The following DNAJC6 variants were observed in gnomAD, a reference collection of about 807,000 sequenced individuals.
The protein encoded by DNAJC6 is auxilin.
A neutral mutation model predicts 110.0 loss-of-function variants in DNAJC6; 34 were observed. The observed-to-expected ratio is 0.31, with a 90% CI of 0.24 to 0.41. The LOEUF (loss-of-function observed/expected upper bound fraction) is 0.41, where lower values mean the gene tolerates loss of function less well. Ranked by LOEUF, DNAJC6 falls within the 10% of genes least tolerant of loss-of-function variation. The pLI is 1.00. For missense variants in DNAJC6, 1,031 were observed against 1,207.8 expected (o/e 0.85, Z 2.17); for synonymous variants, 406 against 437.2 (o/e 0.93, Z 0.89).
Position 65,270,635 on chromosome 1 carries a change from A to G in DNAJC6, c.-131+5703A>G, listed in dbSNP as rs765412546. 2.6e-5 allele frequency among the ~76,000 whole-genome samples: 4 copies of G among 152,072 alleles called. No homozygotes were observed. The South Asian group carries it at 6.2e-4, about 24-fold the overall frequency. On this transcript the variant is annotated intron_variant, in intron 1 of 19. Transcript: ENST00000263441. The stretch of plus-strand genomic sequence containing the variant: ...AAAGTGATGTTACTGGTCGTTGATT[A>G]TTTTTATGCTATTGTTACTGCCACT...
At chr1:65,412,648 G>T (rs750704127) in intron 18 of DNAJC6, among the ~76,000 whole-genome samples, 12 of 152,122 alleles carry the variant, frequency 7.9e-5, no homozygotes, top group Non-Finnish European at 1.3e-4. Context: ...TGGCAGATAC[G>T]TCTGGAGAAC....
At chr1:65,404,369 A>G (rs1313382330) in intron 15 of DNAJC6, among the ~76,000 whole-genome samples, 1 of 152,206 alleles carries the variant, frequency 6.6e-6, no homozygotes. Context: ...TATACCTGTG[A>G]TATAGACATA....
chr1:65,275,999 A>C (rs1653657792), intron 1 of DNAJC6, among the ~76,000 whole-genome samples: 1 of 150,096 alleles, frequency 6.7e-6, no homozygotes, highest in Admixed American at 6.7e-5. Context: ...AGCGATCTTC[A>C]GCCTCCTGAG....
chr1:65,402,892 A>C (rs1235230571), intron 15 of DNAJC6, among the ~76,000 whole-genome samples: 1 of 152,232 alleles, frequency 6.6e-6, no homozygotes, highest in Non-Finnish European at 1.5e-5. Context: ...ATTTTAAAGT[A>C]ATATTATATC....
intron 4 of DNAJC6, among the ~76,000 whole-genome samples, chr1:65,366,410 T>G (rs973180831): frequency 3.3e-5 from 5 of 152,216 alleles, no homozygotes; most frequent in Non-Finnish European, 5.9e-5. Context: ...TATCTGTCAA[T>G]GAAATACCAT....
intron 1 of DNAJC6, among the ~76,000 whole-genome samples, chr1:65,351,740 CAT>C (rs1418104180): frequency 1.3e-5 from 2 of 152,150 alleles, no homozygotes; most frequent in Non-Finnish European, 2.9e-5. Context: ...ATCATCCATA[CAT>C]GTGTGTGTAC....
chr1:65,367,877 T>A lies in DNAJC6; in HGVS notation c.543+1681T>A, dbSNP rs1476891279. On this transcript the variant is annotated intron_variant, in intron 4 of 18. Transcript: ENST00000371069. ...TGCCCTAGAAGAGGAGGGAGCATTT[T>A]TTTTTTTTTTTTTTTGGATACCTAG... Among the ~76,000 whole-genome samples, 3 of 90,276 alleles carry A rather than the reference T, an allele frequency of 3.3e-5. No individual in the cohort carries two copies. The African/African-American group carries it at 3.5e-4, about 11-fold the overall frequency. The allele number at this position is 90,276 out of a possible 152,430, so 59.2% of individuals were successfully genotyped here. A position where few individuals can be genotyped will look rare whatever the true frequency, so the allele number is the denominator to read the frequency against.
intron 1 of DNAJC6, among the ~76,000 whole-genome samples, chr1:65,271,033 A>G (rs892349833): frequency 1.3e-5 from 2 of 152,162 alleles, no homozygotes; most frequent in African/African-American, 2.4e-5. Flanking sequence ...TCTTCCTAGC[A>G]TAACTGTTGA....
At chr1:65,295,475 A>G (rs556348169) in intron 1 of DNAJC6, among the ~76,000 whole-genome samples, 68 of 152,300 alleles carry the variant, frequency 4.5e-4, no homozygotes, top group Admixed American at 3.9e-3. Context: ...ATAGGTACCT[A>G]TCCCTGGGCT....
At chr1:65,412,793 G>T in intron 18 of DNAJC6, 131 bp from the exon 19 acceptor site, 1 of 781,868 alleles carries the variant, frequency 1.3e-6, no homozygotes. Context: ...AGTAGATTAG[G>T]CTGAAAAGGA....
At chr1:65,292,063 C>A (rs1166718291) in intron 1 of DNAJC6, among the ~76,000 whole-genome samples, 1 of 152,126 alleles carries the variant, frequency 6.6e-6, no homozygotes, top group African/African-American at 2.4e-5. Context: ...GTTGCCCAGG[C>A]TGGAGTACAA....
At chr1:65,308,954 A>G (rs1645069817), upstream of DNAJC6, among the ~76,000 whole-genome samples, 1 of 151,940 alleles carries the variant, frequency 6.6e-6, no homozygotes. Context: ...ATTCTGGAGA[A>G]TGTGCAAAAT....
chr1:65,399,793 A>G (rs76225028), intron 14 of DNAJC6, among the ~76,000 whole-genome samples: 1 of 152,132 alleles, frequency 6.6e-6, no homozygotes, highest in Admixed American at 6.5e-5. Context: ...ACAGCATTTG[A>G]CTTTTGTGGC....
At chr1:65,304,705 G>A (rs772652274), upstream of DNAJC6, among the ~76,000 whole-genome samples, 9 of 152,120 alleles carry the variant, frequency 5.9e-5, no homozygotes, top group Non-Finnish European at 1.2e-4. Flanking sequence ...TGTGTCTTTT[G>A]GCATCTCTCT....
chr1:65,312,998 C>T (rs1645115414), intron 1 of DNAJC6, among the ~76,000 whole-genome samples: 2 of 151,982 alleles, frequency 1.3e-5, no homozygotes, highest in African/African-American at 4.8e-5. Flanking sequence ...CGGGCTCTTG[C>T]CATGTTGGCC....
chr1:65,362,311 TA>T (rs2101548254), intron 1 of DNAJC6, among the ~76,000 whole-genome samples: 1 of 152,314 alleles, frequency 6.6e-6, no homozygotes, highest in South Asian at 2.1e-4. Flanking sequence ...CTTAGAAAAA[TA>T]CCTACCAGAT....
upstream of DNAJC6, among the ~76,000 whole-genome samples, chr1:65,305,479 A>G (rs141902309): frequency 4.6e-5 from 7 of 152,342 alleles, no homozygotes; most frequent in East Asian, 1.3e-3. Flanking sequence ...TTTCATTTTT[A>G]TGAAAATACT....
At chr1:65,349,009 A>AATATAT (rs1491226305) in intron 1 of DNAJC6, among the ~76,000 whole-genome samples, 1 of 145,016 alleles carries the variant, frequency 6.9e-6, no homozygotes, top group African/African-American at 2.5e-5. Context: ...AATATATATA[A>AATATAT]GTATATGTGA....
rs1387759949 is a variant in DNAJC6, at chr1:65,379,424, T to G, written c.566T>G (p.Ile189Ser). 5.6e-6 allele frequency: 9 copies of G among 1,614,136 alleles called. No individual in the cohort carries two copies. The highest frequency in any genetic ancestry group is 7.6e-6 in the Non-Finnish European group (9 of 1,179,972). Reference protein sequence around the residue: ...HSRVSECSWPIRQAPSLHNLF... With the variant: ...HSRVSECSWPSRQAPSLHNLF... The stretch of plus-strand genomic sequence containing the variant: ...TAGGTCTCAGAATGCAGTTGGCCCA[T>G]TAGGCAGGCTCCCAGTCTGCACAAC... Residue 189 changes from isoleucine to serine, a missense_variant, in exon 5 of 19, where the codon ATT becomes AGT. Physicochemically the swap from Ile to Ser is moderately radical, Grantham distance 142. Coordinates refer to ENST00000371069, the MANE Select transcript of DNAJC6 (RefSeq NM_001256864.2).
Sources: allele counts gnomAD v4.1 joint callset (sites outside exome capture counted in the v4.1 genomes callset), GRCh38; gene constraint gnomAD v4.1.1; transcripts MANE v1.5; gene names NCBI Gene and HGNC (gene_info 2026-07-23, HGNC 2026-07-21).